Variants in RBMS1 observed in about 807,000 individuals in gnomAD.
RBMS1 encodes RNA-binding motif, single-stranded-interacting protein 1.
In RBMS1, 17 loss-of-function variants were observed where a neutral mutation model predicts 62.3. The observed-to-expected ratio is 0.27, with a 90% CI of 0.19 to 0.41. The LOEUF is 0.41. Ranked by LOEUF, RBMS1 falls within the 10% of genes least tolerant of loss-of-function variation. RBMS1 has a pLI of 1.00. For missense variants in RBMS1, 334 were observed against 504.5 expected (o/e 0.66, Z 3.24); for synonymous variants, 172 against 170.0 (o/e 1.01, Z -0.09).
intron 1 of RBMS1, among the ~76,000 whole-genome samples, chr2:160,472,270 G>T (rs1348631911): frequency 1.3e-5 from 2 of 152,060 alleles, no homozygotes; most frequent in Admixed American, 1.3e-4. Flanking sequence ...GGCAGAGAAA[G>T]AAAACTTCAA....
At chr2:160,346,888 T>C (rs1194904772) in intron 2 of RBMS1, among the ~76,000 whole-genome samples, 1 of 152,084 alleles carries the variant, frequency 6.6e-6, no homozygotes, top group Non-Finnish European at 1.5e-5. Flanking sequence ...CCCTGATAAA[T>C]TGAAACTAAA....
At chr2:160,449,134 C>T (rs1683833283) in intron 1 of RBMS1, among the ~76,000 whole-genome samples, 1 of 151,850 alleles carries the variant, frequency 6.6e-6, no homozygotes, top group African/African-American at 2.4e-5. Flanking sequence ...GCCCCTCCGC[C>T]CGGCAGCCGC....
At chr2:160,372,015 T>C (rs1051350919) in intron 1 of RBMS1, among the ~76,000 whole-genome samples, 1 of 152,222 alleles carries the variant, frequency 6.6e-6, no homozygotes, top group Admixed American at 6.5e-5. Context: ...ACATGTGAAC[T>C]AAAATACATT....
chr2:160,414,192 G>A (rs897308196), intron 1 of RBMS1, among the ~76,000 whole-genome samples: 5 of 152,122 alleles, frequency 3.3e-5, no homozygotes, highest in South Asian at 2.1e-4. Context: ...TCCAATATTC[G>A]AATATATCGT....
chr2:160,311,232 C>CTATATATTTATATATCTATATATA (rs1689866017), intron 4 of RBMS1, among the ~76,000 whole-genome samples: 1 of 79,252 alleles, frequency 1.3e-5, no homozygotes, highest in Non-Finnish European at 2.5e-5. Flanking sequence ...ATCTATCTAT[C>CTATATATTTATATATCTATATATA]TATATATATA....
intron 1 of RBMS1, among the ~76,000 whole-genome samples, chr2:160,428,303 G>A (rs144994303): frequency 6.6e-6 from 1 of 152,266 alleles, no homozygotes; most frequent in East Asian, 1.9e-4. Flanking sequence ...AACACCGGAT[G>A]TAATCGAGAC....
At chr2:160,486,628 T>TGG (rs765641347) in intron 1 of RBMS1, among the ~76,000 whole-genome samples, 17 of 152,190 alleles carry the variant, frequency 1.1e-4, no homozygotes, top group Middle Eastern at 3.2e-3. Context: ...ACAGGACTCC[T>TGG]GAAGCACTTG....
At chr2:160,308,900 G>C (rs1689699947) in intron 4 of RBMS1, among the ~76,000 whole-genome samples, 1 of 152,192 alleles carries the variant, frequency 6.6e-6, no homozygotes, top group African/African-American at 2.4e-5. Context: ...TCAAAACAGT[G>C]TATAGTTAAT....
intron 1 of RBMS1, among the ~76,000 whole-genome samples, chr2:160,398,644 C>A (rs1246575384): frequency 6.6e-6 from 1 of 152,142 alleles, no homozygotes. Flanking sequence ...AACAATCCCT[C>A]TCCAATTTAT....
Position 160,311,349 on chromosome 2 carries a change from C to T in RBMS1, c.402+1807G>A, listed in dbSNP as rs144342855. 4.4e-4 allele frequency among the ~76,000 whole-genome samples: 67 copies of T among 150,616 alleles called. No homozygotes were observed. The East Asian group carries it at 9.7e-3, about 22-fold the overall frequency. ...AAGTTTTAAAAATATTAAATGGCAACGGCTACTTAGAAAGGTGATTCCTCT... is the reference window on the plus strand; with the variant it reads ...AAGTTTTAAAAATATTAAATGGCAATGGCTACTTAGAAAGGTGATTCCTCT... On this transcript the variant is annotated intron_variant, in intron 4 of 13. Transcript: ENST00000348849.
intron 1 of RBMS1, among the ~76,000 whole-genome samples, chr2:160,387,606 A>T (rs987346239): frequency 6.6e-6 from 1 of 152,160 alleles, no homozygotes; most frequent in Non-Finnish European, 1.5e-5. Context: ...TACTCTGTGT[A>T]CAGCAGAGAG....
At chr2:160,383,462 G>GA (rs1694395527) in intron 1 of RBMS1, among the ~76,000 whole-genome samples, 2 of 147,516 alleles carry the variant, frequency 1.4e-5, no homozygotes, top group African/African-American at 2.5e-5. Context: ...TTGGGGGGGG[G>GA]GGAACTGACC....
chr2:160,331,647 T>G (rs1164516041), intron 2 of RBMS1, among the ~76,000 whole-genome samples: 1 of 152,214 alleles, frequency 6.6e-6, no homozygotes, highest in Middle Eastern at 3.2e-3. Flanking sequence ...CTACATTGAA[T>G]GCAATTATTC....
intron 2 of RBMS1, among the ~76,000 whole-genome samples, chr2:160,345,237 G>C (rs1166305773): frequency 6.6e-6 from 1 of 152,110 alleles, no homozygotes; most frequent in Non-Finnish European, 1.5e-5. Context: ...GCCCAGAAAA[G>C]AGGGCTATAC....
intron 1 of RBMS1, among the ~76,000 whole-genome samples, chr2:160,430,238 TTTTTAAG>T (rs1278730252): frequency 6.6e-6 from 1 of 152,220 alleles, no homozygotes; most frequent in African/African-American, 2.4e-5. Context: ...TTTTAAGTCA[TTTTTAAG>T]TTTTAAGTCA....
chr2:160,347,724 T>C (rs1014722668), intron 2 of RBMS1, among the ~76,000 whole-genome samples: 3 of 152,136 alleles, frequency 2.0e-5, no homozygotes, highest in South Asian at 4.1e-4. Context: ...TCTAACACCA[T>C]ACAAAAGTAC....
intron 4 of RBMS1, among the ~76,000 whole-genome samples, chr2:160,304,288 C>A (rs966686896): frequency 6.6e-6 from 1 of 152,144 alleles, no homozygotes. Flanking sequence ...AATTATGTAA[C>A]TGTAGGCAAA....
At chr2:160,318,096 C>G in intron 3 of RBMS1, 73 bp downstream of exon 3, 3 of 1,557,054 alleles carry the variant, frequency 1.9e-6, no homozygotes. Context: ...GTTTTGAAAC[C>G]AAAGATCAGG....
At chr2:160,336,678 A>AT (rs1315799091) in intron 2 of RBMS1, among the ~76,000 whole-genome samples, 1 of 152,198 alleles carries the variant, frequency 6.6e-6, no homozygotes, top group Non-Finnish European at 1.5e-5. Context: ...ATATAAAAAT[A>AT]TTGAGATGTT....
Sources: gnomAD v4.1 joint callset for allele counts (sites outside exome capture counted in the v4.1 genomes callset) on GRCh38, gnomAD v4.1.1 for gene constraint, MANE v1.5 for transcripts, NCBI Gene and HGNC (gene_info 2026-07-23, HGNC 2026-07-21) for gene names.